Variants in C3orf70 observed in about 807,000 individuals in gnomAD.
C3orf70 encodes chromosome 3 open reading frame 70.
A neutral mutation model predicts 20.7 loss-of-function variants in C3orf70; 15 were observed. The ratio of observed to expected loss-of-function variants is 0.72; its 90% CI spans 0.48 to 1.11. C3orf70 has a LOEUF of 1.11. Among genes scored for constraint, C3orf70 ranks in the 50% most tolerant of loss-of-function variants. The pLI is 0.00. For missense variants in C3orf70, 332 were observed against 317.6 expected, an observed-to-expected ratio of 1.05 and a Z score of -0.34; for synonymous variants, 161 against 125.7, an observed-to-expected ratio of 1.28 and a Z score of -1.88.
At chr3:185,104,760 T>G (rs1715890948) in intron 1 of C3orf70, among the ~76,000 whole-genome samples, 1 of 151,940 alleles carries the variant, frequency 6.6e-6, no homozygotes, top group Non-Finnish European at 1.5e-5. Flanking sequence ...TTAGTGGAAG[T>G]GAAATGATGA....
chr3:185,095,877 T>C (rs9874782), intron 1 of C3orf70, among the ~76,000 whole-genome samples: 6,643 of 151,822 alleles, frequency 0.044, 461 homozygotes, highest in African/African-American at 0.15. Context: ...GCTGCGACTA[T>C]AGGTGCGTGC....
chr3:185,093,631 G>C (rs1384935406), intron 1 of C3orf70, among the ~76,000 whole-genome samples: 1 of 152,198 alleles, frequency 6.6e-6, no homozygotes, highest in African/African-American at 2.4e-5. Flanking sequence ...TGTGGGTATA[G>C]ATGATACATG....
At chr3:185,129,006 T>C (rs1716473623) in intron 1 of C3orf70, among the ~76,000 whole-genome samples, 1 of 152,232 alleles carries the variant, frequency 6.6e-6, no homozygotes, top group African/African-American at 2.4e-5. Context: ...AATTCAATTA[T>C]CTATTTCTCT....
At chr3:185,084,589 T>G (rs1715422253) in intron 1 of C3orf70, among the ~76,000 whole-genome samples, 1 of 151,906 alleles carries the variant, frequency 6.6e-6, no homozygotes, top group Admixed American at 6.6e-5. Context: ...CACAGAGGGA[T>G]GCAGAGGACA....
intron 1 of C3orf70, among the ~76,000 whole-genome samples, chr3:185,099,640 T>C (rs1318549410): frequency 6.6e-6 from 1 of 151,616 alleles, no homozygotes; most frequent in Non-Finnish European, 1.5e-5. Context: ...AGTGACACTA[T>C]AAAGTAACCA....
chr3:185,099,679 C>A (rs892701054), intron 1 of C3orf70, among the ~76,000 whole-genome samples: 5 of 151,850 alleles, frequency 3.3e-5, no homozygotes, highest in Non-Finnish European at 7.4e-5. Flanking sequence ...AACCAGCTAA[C>A]AGCATGATAG....
chr3:185,131,639 T>C lies in C3orf70; in HGVS notation c.196+20989A>G, dbSNP rs540317781. On this transcript the variant is annotated intron_variant, in intron 1 of 1. Transcript: ENST00000335012. Reference sequence around the variant, plus strand: ...GCAACTGAGAAATGCTAGAAAAAAATTGTAATATTCCTCACTACATTGATG... The same window carrying C: ...GCAACTGAGAAATGCTAGAAAAAAACTGTAATATTCCTCACTACATTGATG... Among the ~76,000 whole-genome samples, 134 of 152,228 alleles carry C rather than the reference T, an allele frequency of 8.8e-4. 1 individual carries two copies. Among genetic ancestry groups the C allele is most frequent in the African/African-American group, 3.2e-3 (131 of 41,532 alleles).
intron 1 of C3orf70, among the ~76,000 whole-genome samples, chr3:185,102,913 T>G (rs552102004): frequency 6.6e-6 from 1 of 152,244 alleles, no homozygotes; most frequent in Admixed American, 6.5e-5. Context: ...TCAAGATAGA[T>G]AAAAGACTTA....
intron 1 of C3orf70, among the ~76,000 whole-genome samples, chr3:185,118,258 A>G (rs1716224409): frequency 6.6e-6 from 1 of 152,184 alleles, no homozygotes; most frequent in South Asian, 2.1e-4. Context: ...TTCCTTCTTT[A>G]GCCAATTCCT....
At chr3:185,087,167 G>A (rs1204582419) in intron 1 of C3orf70, among the ~76,000 whole-genome samples, 1 of 152,190 alleles carries the variant, frequency 6.6e-6, no homozygotes, top group East Asian at 1.9e-4. Flanking sequence ...TATATTCTCT[G>A]AACAATCGTA....
At position 185,112,073 on chromosome 3, in the gene C3orf70, C is replaced by T. The variant is rs550555303; in HGVS notation, c.197-28510G>A. Among the ~76,000 whole-genome samples the T allele has an allele frequency of 1.6e-3, 236 of 152,016 alleles. 3 individuals are homozygous for T. The highest frequency in any genetic ancestry group is 4.7e-3 in the African/African-American group (193 of 41,462). ...TGGGAGGCTGAGGCAGGTGGATCAC[C>T]GGAGGTCAGGAGTTCGAGATCAGCC... On this transcript the variant is annotated intron_variant, in intron 1 of 1. Transcript: ENST00000335012.
At chr3:185,143,973 C>T (rs1577335667) in intron 1 of C3orf70, among the ~76,000 whole-genome samples, 1 of 109,222 alleles carries the variant, frequency 9.2e-6, no homozygotes, top group East Asian at 2.7e-4. Flanking sequence ...ATGTAAGATT[C>T]TATGGTAAAC....
chr3:185,141,548 T>TA (rs2108606202), intron 1 of C3orf70, among the ~76,000 whole-genome samples: 1 of 152,296 alleles, frequency 6.6e-6, no homozygotes, highest in African/African-American at 2.4e-5. Context: ...GTGGTACATG[T>TA]ATACCATGGA....
intron 1 of C3orf70, among the ~76,000 whole-genome samples, chr3:185,142,696 G>T (rs1047369260): frequency 6.6e-6 from 1 of 151,990 alleles, no homozygotes; most frequent in Non-Finnish European, 1.5e-5. Context: ...AAACCAAAGG[G>T]AAAAAAAGCA....
chr3:185,132,004 C>T (rs983274859), intron 1 of C3orf70, among the ~76,000 whole-genome samples: 2 of 152,180 alleles, frequency 1.3e-5, no homozygotes, highest in Non-Finnish European at 2.9e-5. Context: ...CAAAAGCTGT[C>T]CTTCCACAGA....
Position 185,083,144 on chromosome 3 carries a change from C to A in C3orf70, c.616G>T (p.Asp206Tyr), listed in dbSNP as rs1485454310. 5.6e-6 allele frequency: 9 copies of A among 1,614,080 alleles called. No individual in the cohort carries two copies. Among genetic ancestry groups the A allele is most frequent in the Non-Finnish European group, 7.6e-6 (9 of 1,180,040 alleles). ...CTCAGTTCTGCTCCTTCTTCTGTGT[C>A]CTCGTCACACGATTCCACATAGTGA... ...GAHYVESCDE[D>Y]TEEGAELSSE... The change falls in exon 2 of 2, where the codon GAC becomes TAC. Residue 206 changes from aspartate to tyrosine, a missense_variant. Physicochemically the swap from Asp to Tyr is radical, Grantham distance 160 (BLOSUM62 -3). Transcript: ENST00000335012.
intron 1 of C3orf70, among the ~76,000 whole-genome samples, chr3:185,132,340 TAA>T (rs1458369408): frequency 6.6e-6 from 1 of 150,778 alleles, no homozygotes; most frequent in Non-Finnish European, 1.5e-5. Flanking sequence ...AAGATATGAG[TAA>T]AAACAAGTAA....
At chr3:185,109,361 T>C (rs1209786159) in intron 1 of C3orf70, among the ~76,000 whole-genome samples, 1 of 152,112 alleles carries the variant, frequency 6.6e-6, no homozygotes, top group East Asian at 1.9e-4. Context: ...CAGGTCAAAA[T>C]CAACAGCTGA....
chr3:185,086,118 G>A (rs79160111), intron 1 of C3orf70, among the ~76,000 whole-genome samples: 3,192 of 152,262 alleles, frequency 0.021, 115 homozygotes, highest in African/African-American at 0.072. Flanking sequence ...GATCCAGAGG[G>A]AACAAGGCTT....
Sources: gnomAD v4.1 joint callset for allele counts (sites outside exome capture counted in the v4.1 genomes callset) on GRCh38, gnomAD v4.1.1 for gene constraint, MANE v1.5 for transcripts, NCBI Gene and HGNC (gene_info 2026-07-23, HGNC 2026-07-21) for gene names.